ATP10A: variants seen among roughly 807,000 people sequenced by gnomAD.
ATP10A encodes phospholipid-transporting ATPase VA.
In ATP10A, 111 loss-of-function variants were observed where a neutral mutation model predicts 147.8. That is an observed-to-expected ratio of 0.75 (90% CI 0.64 to 0.88). The LOEUF (loss-of-function observed/expected upper bound fraction) is 0.88. ATP10A is among the 40% of genes least tolerant of loss of function. ATP10A has a pLI of 0.00. For synonymous variants in ATP10A, 875 were observed against 841.6 expected (o/e 1.04, Z -0.69); for missense variants, 1,927 against 1,959.0 (o/e 0.98, Z 0.31).
At chr15:25,712,650 G>A (rs367847268) in intron 10 of ATP10A, among the ~76,000 whole-genome samples, 1 of 152,210 alleles carries the variant, frequency 6.6e-6, no homozygotes, top group Non-Finnish European at 1.5e-5. Context: ...AACTCAAACT[G>A]TGTCCATGAA....
chr15:25,862,911 G>C lies in ATP10A; in HGVS notation c.186C>G (p.Asn62Lys). Reference protein sequence around the residue: ...RRGCAQHLADNRLKTTKYTLL... With the variant: ...RRGCAQHLADKRLKTTKYTLL... Reference sequence around the variant, plus strand: ...GCGTGTACTTGGTAGTCTTGAGCCGGTTGTCGGCCAGGTGCTGGGCACACC... The same window carrying C: ...GCGTGTACTTGGTAGTCTTGAGCCGCTTGTCGGCCAGGTGCTGGGCACACC... The change falls in exon 1 of 21, where the codon AAC (asparagine) becomes AAG (lysine). Residue 62 changes from asparagine to lysine, a missense_variant. Asn to Lys is a moderately conservative substitution (Grantham distance 94, BLOSUM62 0). Coordinates refer to ENST00000555815, the MANE Select transcript of ATP10A (RefSeq NM_024490.4). 6.2e-7 allele frequency: 1 copy of C among 1,608,250 alleles called. No individual in the cohort carries two copies. Among genetic ancestry groups the C allele is most frequent in the Non-Finnish European group, 8.5e-7 (1 of 1,178,152 alleles).
chr15:25,743,634 T>TAA (rs775190894), intron 2 of ATP10A, among the ~76,000 whole-genome samples: 3 of 152,192 alleles, frequency 2.0e-5, no homozygotes, highest in East Asian at 3.9e-4. Context: ...GTAGCTGCTG[T>TAA]AACAAATGAA....
chr15:25,718,422 G>A, intron 7 of ATP10A, 23 bp from the exon 8 acceptor site: 1 of 1,566,176 alleles, frequency 6.4e-7, no homozygotes, highest in Non-Finnish European at 8.6e-7. Flanking sequence ...GGCGCAGGGT[G>A]AGGCATCATG....
intron 2 of ATP10A, among the ~76,000 whole-genome samples, chr15:25,768,420 C>G (rs1036453802): frequency 6.6e-6 from 1 of 152,174 alleles, no homozygotes; most frequent in African/African-American, 2.4e-5. Context: ...AAGCTCCTGG[C>G]TGGGCACCTG....
chr15:25,738,455 G>A (rs1402842108), intron 2 of ATP10A: 3 of 152,176 alleles, frequency 2.0e-5, no homozygotes, highest in Admixed American at 1.3e-4. Flanking sequence ...ACTCACAAAT[G>A]ATTACAATAG....
chr15:25,768,283 T>G (rs1889135149), intron 2 of ATP10A, among the ~76,000 whole-genome samples: 1 of 152,226 alleles, frequency 6.6e-6, no homozygotes, highest in Non-Finnish European at 1.5e-5. Context: ...CTCCTGTCAC[T>G]GTGGCTCACA....
intron 1 of ATP10A, among the ~76,000 whole-genome samples, chr15:25,812,251 A>C (rs1891466142): frequency 1.3e-5 from 2 of 152,196 alleles, no homozygotes; most frequent in African/African-American, 4.8e-5. Context: ...CTTCAAAATA[A>C]CAAGTCAGGA....
intron 1 of ATP10A, among the ~76,000 whole-genome samples, chr15:25,784,645 C>A (rs549084585): frequency 6.6e-6 from 1 of 152,222 alleles, no homozygotes; most frequent in South Asian, 2.1e-4. Flanking sequence ...AAGGCCCTGG[C>A]CAGGTGCAGT....
intron 1 of ATP10A, among the ~76,000 whole-genome samples, chr15:25,785,601 G>A (rs1206526785): frequency 1.3e-5 from 2 of 152,210 alleles, no homozygotes; most frequent in Non-Finnish European, 2.9e-5. Context: ...TGAGTGGCAG[G>A]AGAGGCATCT....
intron 1 of ATP10A, among the ~76,000 whole-genome samples, chr15:25,805,946 C>T (rs1053896091): frequency 2.6e-5 from 4 of 152,206 alleles, no homozygotes; most frequent in African/African-American, 9.6e-5. Flanking sequence ...CAGCCCCTTA[C>T]AACCTTGAGA....
chr15:25,672,269 C>T, the ATP10A span, among the ~76,000 whole-genome samples: 1 of 152,180 alleles, frequency 6.6e-6, no homozygotes, highest in Non-Finnish European at 1.5e-5. Flanking sequence ...CCCTCCTTCA[C>T]TCAGTTTCCT....
At chr15:25,691,857 C>T (rs2066705) in intron 14 of ATP10A, 66 bp from the exon 15 acceptor site, 996,802 of 1,596,762 alleles carry the variant, frequency 0.62, 321,245 homozygotes, top group Non-Finnish European at 0.67. Context: ...AATCAATGTG[C>T]TAGATTTTCT....
At position 25,713,845 on chromosome 15, in the gene ATP10A, C is replaced by G; in HGVS notation, c.2173G>C (p.Glu725Gln). ...VERLHDQVSV[E>Q]LPHLGRLTFE... is the part of the protein sequence containing the mutation. ...GTGAGCCTGCCCAGGTGGGGCAGCT[C>G]CACTGACACTTGGTCGTGCAGCCGC... Residue 725 changes from glutamate to glutamine, a missense_variant, in exon 10 of 21, where the codon GAG becomes CAG. By Grantham distance (29) the Glu-to-Gln change is conservative. Transcript: ENST00000555815. 1 of 1,613,964 alleles carries G rather than the reference C, an allele frequency of 6.2e-7. No individual in the cohort carries two copies. The highest frequency in any genetic ancestry group is 8.5e-7 in the Non-Finnish European group (1 of 1,180,048).
At chr15:25,836,530 A>T (rs933127257) in intron 1 of ATP10A, among the ~76,000 whole-genome samples, 5 of 152,178 alleles carry the variant, frequency 3.3e-5, no homozygotes, top group Admixed American at 1.3e-4. Flanking sequence ...CGTCGATTTC[A>T]TCAAACTCCT....
chr15:25,828,360 C>T (rs1368625334), intron 1 of ATP10A, among the ~76,000 whole-genome samples: 3 of 152,200 alleles, frequency 2.0e-5, no homozygotes, highest in Non-Finnish European at 4.4e-5. Context: ...CTTAAGTGCA[C>T]GTGGCGTGTC....
At chr15:25,829,446 T>C (rs1004311427) in intron 1 of ATP10A, among the ~76,000 whole-genome samples, 7 of 152,238 alleles carry the variant, frequency 4.6e-5, no homozygotes, top group African/African-American at 1.7e-4. Context: ...GTTGATGTTA[T>C]TTGTTCTTTC....
At chr15:25,677,254 T>G (rs549184758), downstream of ATP10A, 1 of 152,312 alleles carries the variant, frequency 6.6e-6, no homozygotes, top group East Asian at 1.9e-4. Context: ...CATATTATGT[T>G]CATTTTGACA....
At chr15:25,713,142 G>A (rs1418453879) in intron 10 of ATP10A, among the ~76,000 whole-genome samples, 1 of 152,228 alleles carries the variant, frequency 6.6e-6, no homozygotes, top group Non-Finnish European at 1.5e-5. Flanking sequence ...CTGGAGGTGA[G>A]GCTGCACTCC....
intron 13 of ATP10A, among the ~76,000 whole-genome samples, chr15:25,696,005 A>C (rs1900316878): frequency 6.6e-6 from 1 of 152,084 alleles, no homozygotes; most frequent in Non-Finnish European, 1.5e-5. Context: ...AAAGGAGGAA[A>C]ACCTACGGTG....
Sources: gnomAD v4.1 joint callset for allele counts (sites outside exome capture counted in the v4.1 genomes callset) on GRCh38, gnomAD v4.1.1 for gene constraint, MANE v1.5 for transcripts, NCBI Gene and HGNC (gene_info 2026-07-23, HGNC 2026-07-21) for gene names.